KCND3: variants seen among roughly 807,000 people sequenced by gnomAD.
KCND3 encodes the protein A-type voltage-gated potassium channel KCND3.
Under a neutral mutation model 51.1 loss-of-function variants are expected in KCND3, and 9 were observed. The ratio of observed to expected loss-of-function variants is 0.18; its 90% CI spans 0.11 to 0.31. The LOEUF (loss-of-function observed/expected upper bound fraction) is 0.31, where lower values mean the gene tolerates loss of function less well. Ranked by LOEUF, KCND3 falls within the 10% of genes least tolerant of loss-of-function variation. The pLI is 1.00. For missense variants in KCND3, 526 were observed against 903.8 expected, an observed-to-expected ratio of 0.58 and a Z score of 5.36; for synonymous variants, 349 against 368.0, an observed-to-expected ratio of 0.95 and a Z score of 0.59.
At chr1:111,800,796 ATCCCTGGTTGGGGCT>A (rs1665274307) in intron 2 of KCND3, among the ~76,000 whole-genome samples, 1 of 152,226 alleles carries the variant, frequency 6.6e-6, no homozygotes, top group African/African-American at 2.4e-5. Flanking sequence ...GACCTGGGGC[ATCCCTGGTTGGGGCT>A]GGGAGCCATG....
chr1:111,943,621 C>T (rs1488876611), intron 2 of KCND3, among the ~76,000 whole-genome samples: 10 of 152,180 alleles, frequency 6.6e-5, no homozygotes, highest in Non-Finnish European at 8.8e-5. Context: ...ATTTGCACAG[C>T]GTGTTGCTGG....
chr1:111,877,210 C>T (rs59984340), intron 2 of KCND3, among the ~76,000 whole-genome samples: 15,874 of 152,260 alleles, frequency 0.1, 866 homozygotes, highest in East Asian at 0.17. Flanking sequence ...TGAGCACTCC[C>T]GTGAAGTGCC....
At chr1:111,783,746 T>C (rs624143) in intron 3 of KCND3, among the ~76,000 whole-genome samples, 20,276 of 152,036 alleles carry the variant, frequency 0.13, 2,932 homozygotes, top group African/African-American at 0.37. Context: ...TTTGTAATAG[T>C]CCAAAACTGA....
intron 2 of KCND3, among the ~76,000 whole-genome samples, chr1:111,854,250 T>C (rs1040945874): frequency 3.9e-5 from 6 of 152,202 alleles, no homozygotes; most frequent in African/African-American, 1.4e-4. Flanking sequence ...TAAAATATAG[T>C]ATGTCCAGTT....
At chr1:111,932,497 C>T (rs1672024305) in intron 2 of KCND3, among the ~76,000 whole-genome samples, 1 of 152,236 alleles carries the variant, frequency 6.6e-6, no homozygotes, top group African/African-American at 2.4e-5. Flanking sequence ...TCTTCCTCCA[C>T]TGAAACTCTG....
Position 111,780,538 on chromosome 1 carries a change from G to T in KCND3, c.1371+152C>A. ...TGATAATCCTATGGAAGTGGTGTGT[G>T]AATGGGGGGCTGCTACCTGGGGAAA... On this transcript the variant is annotated intron_variant, in intron 4 of 7. Coordinates refer to ENST00000302127, the MANE Select transcript of KCND3 (RefSeq NM_001378969.1). This position sits in a 1 kb window ranked among gnomAD's most constrained non-coding sequence, Gnocchi z 4.2. 1 of 815,578 alleles carries T rather than the reference G, an allele frequency of 1.2e-6. No individual in the cohort carries two copies. The highest frequency in any genetic ancestry group is 2.1e-6 in the Non-Finnish European group (1 of 486,496). 50.5% of individuals were successfully genotyped at this position (815,578 alleles called of 1,614,324 possible).
intron 2 of KCND3, among the ~76,000 whole-genome samples, chr1:111,961,176 C>T (rs1462303052): frequency 2.0e-5 from 3 of 152,202 alleles, no homozygotes; most frequent in Non-Finnish European, 1.5e-5. Context: ...CACAGAGGGG[C>T]CTGTCCACCT....
intron 2 of KCND3, among the ~76,000 whole-genome samples, chr1:111,808,326 C>G (rs143756041): frequency 1.3e-5 from 2 of 152,170 alleles, no homozygotes; most frequent in East Asian, 1.9e-4. Context: ...TCTTTGTAAT[C>G]GGTTTGTTCA....
chr1:111,947,776 G>T (rs553838487), intron 2 of KCND3, among the ~76,000 whole-genome samples: 1 of 152,276 alleles, frequency 6.6e-6, no homozygotes, highest in African/African-American at 2.4e-5. Flanking sequence ...AACCTATATC[G>T]GTAGACCAGC....
chr1:111,857,710 G>A (rs1668144036), intron 2 of KCND3, among the ~76,000 whole-genome samples: 1 of 151,478 alleles, frequency 6.6e-6, no homozygotes, highest in Non-Finnish European at 1.5e-5. Context: ...CCAGCGCCAG[G>A]TGAACTCACT....
At chr1:111,814,784 G>A (rs1008158334) in intron 2 of KCND3, among the ~76,000 whole-genome samples, 3 of 152,192 alleles carry the variant, frequency 2.0e-5, no homozygotes, top group Non-Finnish European at 4.4e-5. Flanking sequence ...AGGCCCAGCA[G>A]CCCAGCTGCC....
At chr1:111,811,174 A>C (rs1665829168) in intron 2 of KCND3, among the ~76,000 whole-genome samples, 1 of 152,192 alleles carries the variant, frequency 6.6e-6, no homozygotes, top group Non-Finnish European at 1.5e-5. Flanking sequence ...GAGTCTTGGC[A>C]GGTCATCTTC....
intron 2 of KCND3, among the ~76,000 whole-genome samples, chr1:111,811,782 T>G (rs747743217): frequency 6.6e-6 from 1 of 152,198 alleles, no homozygotes; most frequent in Non-Finnish European, 1.5e-5. Flanking sequence ...ATTTTCAACT[T>G]CCCCTGGAGA....
chr1:111,970,063 C>T (rs1299916297), intron 2 of KCND3, among the ~76,000 whole-genome samples: 4 of 151,736 alleles, frequency 2.6e-5, no homozygotes, highest in African/African-American at 9.7e-5. Flanking sequence ...GTCGCCCAGG[C>T]TGGAATGCAA....
intron 3 of KCND3, among the ~76,000 whole-genome samples, chr1:111,782,740 C>G (rs1028898046): frequency 4.6e-5 from 7 of 152,236 alleles, no homozygotes; most frequent in South Asian, 2.1e-4. Flanking sequence ...ATGAAAGATT[C>G]TCCTGTTCTT....
At chr1:111,787,792 T>C (rs1371450045) in intron 2 of KCND3, among the ~76,000 whole-genome samples, 2 of 152,238 alleles carry the variant, frequency 1.3e-5, no homozygotes, top group Non-Finnish European at 2.9e-5. Flanking sequence ...ACAAAGCACT[T>C]CTACATATTT....
chr1:111,951,737 G>A (rs564190434), intron 2 of KCND3, among the ~76,000 whole-genome samples: 7 of 152,176 alleles, frequency 4.6e-5, no homozygotes, highest in African/African-American at 1.4e-4. Context: ...AGGAATAAGC[G>A]CTAAGAAGAA....
chr1:111,848,101 C>G (rs1046827706), intron 2 of KCND3, among the ~76,000 whole-genome samples: 23 of 152,252 alleles, frequency 1.5e-4, no homozygotes, highest in Admixed American at 5.2e-4. Flanking sequence ...ACTGAGGGAG[C>G]TGACAGACTG....
intron 2 of KCND3, among the ~76,000 whole-genome samples, chr1:111,894,250 G>A (rs1249948560): frequency 6.6e-6 from 1 of 152,092 alleles, no homozygotes; most frequent in East Asian, 1.9e-4. Context: ...AACACGCCAG[G>A]CTCATTCCCA....
Sources: gnomAD v4.1 joint callset for allele counts (sites outside exome capture counted in the v4.1 genomes callset) on GRCh38, gnomAD v4.1.1 for gene constraint, Gnocchi (gnomAD v3.1) non-coding constraint, MANE v1.5 for transcripts, NCBI Gene and HGNC (gene_info 2026-07-23, HGNC 2026-07-21) for gene names.